The following FGF12 variants were observed in gnomAD, a reference collection of about 807,000 sequenced individuals.
FGF12 encodes the protein fibroblast growth factor 12.
In FGF12, 14 loss-of-function variants were observed where a neutral mutation model predicts 23.6. The ratio of observed to expected loss-of-function variants is 0.59; its 90% CI spans 0.39 to 0.93. FGF12 has a LOEUF of 0.93. FGF12 is among the 40% of genes least tolerant of loss of function. FGF12 has a pLI of 0.00. For missense variants in FGF12, 175 were observed against 217.8 expected (o/e 0.80, Z 1.24); for synonymous variants, 62 against 77.3 (o/e 0.80, Z 1.04).
intron 2 of FGF12, among the ~76,000 whole-genome samples, chr3:192,686,993 T>TGTGAGAATCCATCTCAGAAAAAAATAA (rs1717767867): frequency 6.6e-6 from 1 of 151,238 alleles, no homozygotes; most frequent in East Asian, 1.9e-4. Flanking sequence ...CACAACTGGA[T>TGTGAGAATCCATCTCAGAAAAAAATAA]AATTTTTTTG....
intron 2 of FGF12, among the ~76,000 whole-genome samples, chr3:192,637,051 T>C (rs1464077981): frequency 2.0e-5 from 3 of 152,206 alleles, no homozygotes; most frequent in Admixed American, 1.3e-4. Context: ...AAGTGAGGGA[T>C]GACTGAGAAC....
At chr3:192,692,703 C>A (rs1717980814) in intron 2 of FGF12, among the ~76,000 whole-genome samples, 1 of 146,126 alleles carries the variant, frequency 6.8e-6, no homozygotes, top group Non-Finnish European at 1.5e-5. Context: ...AGTCAGCAGA[C>A]CCTGTCTAAA....
At chr3:192,658,720 A>G (rs1197341498) in intron 2 of FGF12, among the ~76,000 whole-genome samples, 1 of 132,142 alleles carries the variant, frequency 7.6e-6, no homozygotes, top group East Asian at 2.4e-4. Context: ...TGAAATTACC[A>G]CTGCACTTAA....
intron 2 of FGF12, among the ~76,000 whole-genome samples, chr3:192,381,894 G>A (rs939176950): frequency 1.3e-5 from 2 of 152,162 alleles, no homozygotes; most frequent in Non-Finnish European, 2.9e-5. Flanking sequence ...AGAGCAAGGC[G>A]GAAGAAGCAG....
intron 4 of FGF12, among the ~76,000 whole-genome samples, chr3:192,263,928 C>T (rs1388549820): frequency 6.6e-6 from 1 of 152,170 alleles, no homozygotes; most frequent in East Asian, 1.9e-4. Context: ...TCAAAATCAT[C>T]TTAAACAGTT....
At chr3:192,221,186 CT>C (rs1201078048) in intron 4 of FGF12, among the ~76,000 whole-genome samples, 1 of 152,190 alleles carries the variant, frequency 6.6e-6, no homozygotes, top group Non-Finnish European at 1.5e-5. Flanking sequence ...GTGACCTTTT[CT>C]GTTTGACAAA....
At chr3:192,537,430 G>A (rs1273634893) in intron 2 of FGF12, among the ~76,000 whole-genome samples, 3 of 152,002 alleles carry the variant, frequency 2.0e-5, no homozygotes. Flanking sequence ...GAGTGTACAA[G>A]GATTCCCTTT....
At chr3:192,219,053 A>T (rs1443778189) in intron 4 of FGF12, among the ~76,000 whole-genome samples, 2 of 152,096 alleles carry the variant, frequency 1.3e-5, no homozygotes, top group Non-Finnish European at 2.9e-5. Flanking sequence ...AAAATTAGAA[A>T]CATTTACTTA....
At position 192,147,493 on chromosome 3, in the gene FGF12, T is replaced by A. The variant is rs566965508; in HGVS notation, c.428-3366A>T. Among the ~76,000 whole-genome samples the A allele has an allele frequency of 5.0e-4, 76 of 152,312 alleles. 1 individual carries two copies. The South Asian group carries it at 0.015, about 30-fold the overall frequency. On this transcript the variant is annotated intron_variant, in intron 5 of 5. Transcript: ENST00000445105. The stretch of plus-strand genomic sequence containing the variant: ...ATTAAGGAAGGAAACAAGGCGTAAG[T>A]GTTCTCTAAAGTGCATTATATGTGC...
chr3:192,392,590 CCGAGAGAGAGAGAGAG>C (rs1720346093), intron 2 of FGF12, among the ~76,000 whole-genome samples: 2 of 89,086 alleles, frequency 2.2e-5, no homozygotes, highest in Non-Finnish European at 3.8e-5. Context: ...AAGTGAAACT[CCGAGAGAGAGAGAGAG>C]AGAGAGAGAG....
chr3:192,671,839 C>T (rs938888664), intron 2 of FGF12, among the ~76,000 whole-genome samples: 4 of 151,942 alleles, frequency 2.6e-5, no homozygotes, highest in African/African-American at 9.7e-5. Flanking sequence ...ATTCAGACAT[C>T]ATCTAAGAAA....
intron 4 of FGF12, among the ~76,000 whole-genome samples, chr3:192,206,898 A>C (rs1034147927): frequency 1.3e-5 from 2 of 152,074 alleles, no homozygotes; most frequent in Admixed American, 1.3e-4. Flanking sequence ...CTTCCTTCAC[A>C]CTGACCTCAA....
intron 2 of FGF12, among the ~76,000 whole-genome samples, chr3:192,613,379 C>T (rs1000561087): frequency 6.6e-6 from 1 of 151,844 alleles, no homozygotes; most frequent in African/African-American, 2.4e-5. Flanking sequence ...ATATCTTGCT[C>T]TGTTTTATTT....
chr3:192,541,332 A>G (rs1725359162), intron 2 of FGF12, among the ~76,000 whole-genome samples: 1 of 152,218 alleles, frequency 6.6e-6, no homozygotes, highest in African/African-American at 2.4e-5. Flanking sequence ...AAAACATGCA[A>G]ATAATATCTT....
chr3:192,157,604 A>C (rs1464159404), intron 5 of FGF12, among the ~76,000 whole-genome samples: 2 of 152,168 alleles, frequency 1.3e-5, no homozygotes, highest in Non-Finnish European at 2.9e-5. Context: ...TTTCCTTGCC[A>C]TCGTGATGGC....
rs569609117 is a variant in FGF12 at position 192,375,159 on chromosome 3, T to G, written c.14-14621A>C. On this transcript the variant is annotated intron_variant, in intron 2 of 5. Transcript: ENST00000445105. ...TCAACATTGTATTAACACCAAATAT[T>G]TGGATTTTGAATCTTCATCTGATTT... Among the ~76,000 whole-genome samples the G allele has an allele frequency of 1.2e-4, 18 of 152,340 alleles. No homozygotes were observed. The East Asian group carries it at 3.5e-3, about 29-fold the overall frequency.
intron 2 of FGF12, among the ~76,000 whole-genome samples, chr3:192,489,971 G>A (rs1477936888): frequency 1.3e-5 from 2 of 151,996 alleles, no homozygotes; most frequent in Non-Finnish European, 1.5e-5. Context: ...ATGTACCCCT[G>A]AATTTAAAAT....
chr3:192,330,540 T>A (rs1284794975), intron 4 of FGF12, among the ~76,000 whole-genome samples: 2 of 152,104 alleles, frequency 1.3e-5, no homozygotes, highest in African/African-American at 4.8e-5. Context: ...AACTGGACCC[T>A]TACCTTACAC....
At chr3:192,670,950 G>A (rs1717091345) in intron 2 of FGF12, among the ~76,000 whole-genome samples, 2 of 152,176 alleles carry the variant, frequency 1.3e-5, no homozygotes, top group Non-Finnish European at 2.9e-5. Context: ...TCTGGGCTGA[G>A]CAGTACCAAA....
Sources: allele counts gnomAD v4.1 joint callset (sites outside exome capture counted in the v4.1 genomes callset), GRCh38; gene constraint gnomAD v4.1.1; transcripts MANE v1.5; gene names NCBI Gene and HGNC (gene_info 2026-07-23, HGNC 2026-07-21).